The following ADGRD1 variants were observed in gnomAD, a reference collection of about 807,000 sequenced individuals.
The protein encoded by ADGRD1 is G-protein coupled receptor 133.
A neutral mutation model predicts 113.4 loss-of-function variants in ADGRD1; 77 were observed. The observed-to-expected ratio is 0.68, with a 90% CI of 0.57 to 0.82. The LOEUF (loss-of-function observed/expected upper bound fraction) is 0.82, where lower values mean the gene tolerates loss of function less well. Among genes scored for constraint, ADGRD1 ranks in the 40% least tolerant of loss-of-function variants. The pLI, the probability that ADGRD1 is intolerant of heterozygous loss-of-function variation, is 0.00. For missense variants in ADGRD1, 1,036 were observed against 1,139.1 expected (o/e 0.91, Z 1.30); for synonymous variants, 474 against 475.0 (o/e 1.00, Z 0.03).
At position 131,084,884 on chromosome 12, in the gene ADGRD1, A is replaced by G. The variant is rs530934991; in HGVS notation, c.1671+221A>G. On this transcript the variant is annotated intron_variant, in intron 15 of 24. Coordinates refer to ENST00000261654, the MANE Select transcript of ADGRD1 (RefSeq NM_198827.5). The surrounding 1 kb of genome is among the most constrained non-coding windows in gnomAD (Gnocchi z 4.5). ...ATCCGAGGAGCCCATGATTGTGTAA[A>G]TCGAGTCCAGTGTGGTGTGCTTCGC... 1.0e-3 allele frequency among the ~76,000 whole-genome samples: 154 copies of G among 152,308 alleles called. No homozygotes were observed. Among genetic ancestry groups the G allele is most frequent in the African/African-American group, 3.5e-3 (146 of 41,574 alleles).
At chr12:131,047,438 C>G (rs1056826939) in intron 13 of ADGRD1, among the ~76,000 whole-genome samples, 7 of 152,200 alleles carry the variant, frequency 4.6e-5, no homozygotes, top group Admixed American at 2.0e-4. Flanking sequence ...CCCCGGGCCC[C>G]CTTTTGCACC....
At chr12:131,045,187 C>T (rs907587774) in intron 13 of ADGRD1, among the ~76,000 whole-genome samples, 1 of 152,226 alleles carries the variant, frequency 6.6e-6, no homozygotes, top group African/African-American at 2.4e-5. Context: ...CGTGGATGAG[C>T]CTGGCCCTCG....
chr12:131,031,651 C>A (rs7965692), intron 13 of ADGRD1, among the ~76,000 whole-genome samples: 76,173 of 151,738 alleles, frequency 0.5, 19,851 homozygotes, highest in Middle Eastern at 0.66. Context: ...TTCTGGGGCC[C>A]CTCTCCACCA....
Position 130,965,391 on chromosome 12 carries a change from A to T in ADGRD1, c.104-1072A>T, listed in dbSNP as rs539943138. Among the ~76,000 whole-genome samples, 16 of 152,132 alleles carry T rather than the reference A, an allele frequency of 1.1e-4. No homozygotes were observed. Among genetic ancestry groups the T allele is most frequent in the Admixed American group, 2.0e-4 (3 of 15,290 alleles). On this transcript the variant is annotated intron_variant, in intron 2 of 24. Coordinates refer to ENST00000261654, the MANE Select transcript of ADGRD1 (RefSeq NM_198827.5). This position sits in a 1 kb window ranked among gnomAD's most constrained non-coding sequence, Gnocchi z 4.8. ...CTCCTCTTTAAAAAGTATTTTTTTT[A>T]AAAAAACAAGGACTAACATAGAGAC...
At chr12:131,017,743 CACCCAGTGCACACAT>C (rs759215564) in intron 13 of ADGRD1, among the ~76,000 whole-genome samples, 35 of 151,742 alleles carry the variant, frequency 2.3e-4, no homozygotes, top group Non-Finnish European at 4.6e-4. Flanking sequence ...AGCACAGACA[CACCCAGTGCACACAT>C]ACCCAGTGCT....
chr12:131,046,959 T>C (rs1206726315), intron 13 of ADGRD1, among the ~76,000 whole-genome samples: 1 of 145,652 alleles, frequency 6.9e-6, no homozygotes, highest in Non-Finnish European at 1.5e-5. Context: ...GTGTCCTCCC[T>C]GGTCAATGCT....
At chr12:130,988,099 C>T (rs1873920875) in intron 6 of ADGRD1, 1 of 152,188 alleles carries the variant, frequency 6.6e-6, no homozygotes. Context: ...TAACGTATAA[C>T]CTTTTTGTCT....
chr12:130,982,803 G>A (rs983313539), intron 5 of ADGRD1, among the ~76,000 whole-genome samples: 2 of 152,128 alleles, frequency 1.3e-5, no homozygotes, highest in Non-Finnish European at 2.9e-5. Flanking sequence ...GGCTGACGAA[G>A]GTCTGAAGTG....
chr12:131,087,729 C>A (rs1041055555), intron 15 of ADGRD1, among the ~76,000 whole-genome samples: 1 of 12,314 alleles, frequency 8.1e-5, no homozygotes, highest in African/African-American at 9.6e-5. Context: ...GTCCCCACGC[C>A]CCCCCCATGC....
intron 8 of ADGRD1, among the ~76,000 whole-genome samples, chr12:130,997,013 A>AC (rs575189259): frequency 9.1e-6 from 1 of 110,458 alleles, no homozygotes; most frequent in Non-Finnish European, 1.9e-5. Flanking sequence ...CGGGGGGCTG[A>AC]CCCCCCCACC....
At chr12:131,124,579 GGGCCTAGGGTT>G (rs780195777) in intron 20 of ADGRD1, among the ~76,000 whole-genome samples, 105 of 152,290 alleles carry the variant, frequency 6.9e-4, no homozygotes, top group Non-Finnish European at 1.3e-3. Context: ...GGGGCCTGCT[GGGCCTAGGGTT>G]GAGGAGAAAA....
chr12:131,082,092 T>C (rs956729734), intron 14 of ADGRD1, among the ~76,000 whole-genome samples: 2 of 152,122 alleles, frequency 1.3e-5, no homozygotes, highest in African/African-American at 4.8e-5. Flanking sequence ...ATAATTTATA[T>C]ATAATTTATA....
At chr12:131,033,735 AGCAGGT>A (rs1323831088) in intron 13 of ADGRD1, among the ~76,000 whole-genome samples, 1 of 152,018 alleles carries the variant, frequency 6.6e-6, no homozygotes, top group Non-Finnish European at 1.5e-5. Context: ...AGGTCCCTGG[AGCAGGT>A]GCCCAACCAG....
chr12:131,044,423 C>T (rs1238656086), intron 13 of ADGRD1, among the ~76,000 whole-genome samples: 1 of 152,200 alleles, frequency 6.6e-6, no homozygotes, highest in African/African-American at 2.4e-5. Flanking sequence ...GCACAGGGGG[C>T]TGAGGGGACC....
At chr12:130,986,276 C>G (rs1284274161) in intron 5 of ADGRD1, among the ~76,000 whole-genome samples, 1 of 152,160 alleles carries the variant, frequency 6.6e-6, no homozygotes, top group Non-Finnish European at 1.5e-5. Flanking sequence ...TCTTTCTGTC[C>G]ATGAATATGG....
chr12:131,010,122 C>T (rs190083269), intron 12 of ADGRD1, among the ~76,000 whole-genome samples: 4 of 152,324 alleles, frequency 2.6e-5, no homozygotes, highest in East Asian at 1.9e-4. Context: ...CTGCTGTTTG[C>T]GTCAGTCAGG....
intron 15 of ADGRD1, among the ~76,000 whole-genome samples, chr12:131,103,393 C>T (rs1430576037): frequency 6.6e-6 from 1 of 152,278 alleles, no homozygotes; most frequent in Non-Finnish European, 1.5e-5. Flanking sequence ...ATGGGAGGCA[C>T]AGGCTGTGGC....
At chr12:131,080,975 ATGTTTAGGATTGTTATGTC>A (rs1197328783) in intron 14 of ADGRD1, among the ~76,000 whole-genome samples, 2 of 152,190 alleles carry the variant, frequency 1.3e-5, no homozygotes, top group Admixed American at 1.3e-4. Context: ...AGGTGCATGT[ATGTTTAGGATTGTTATGTC>A]TTCTTGGAAG....
chr12:130,992,176 C>A, intron 7 of ADGRD1, 61 bp from the exon 8 acceptor site: 4 of 1,290,086 alleles, frequency 3.1e-6, no homozygotes, highest in Non-Finnish European at 3.3e-6. Context: ...ACACATTAAA[C>A]TTCTGTATAA....
Sources: gnomAD v4.1 joint callset for allele counts (sites outside exome capture counted in the v4.1 genomes callset) on GRCh38, gnomAD v4.1.1 for gene constraint, Gnocchi (gnomAD v3.1) non-coding constraint, MANE v1.5 for transcripts, NCBI Gene and HGNC (gene_info 2026-07-23, HGNC 2026-07-21) for gene names.